The following CLEC9A variants were observed in gnomAD, a reference collection of about 807,000 sequenced individuals.
CLEC9A encodes C-type lectin domain containing 9A, also known as C-type lectin domain family 9 member A.
CLEC9A carries 24 observed loss-of-function variants against 30.0 expected under a neutral mutation model. That is an observed-to-expected ratio of 0.80 (90% CI 0.58 to 1.13). CLEC9A has a LOEUF of 1.13. Ranked by LOEUF, CLEC9A falls within the 50% of genes most tolerant of loss-of-function variation. The pLI, the probability that CLEC9A is intolerant of heterozygous loss-of-function variation, is 0.00. For missense variants in CLEC9A, 251 were observed against 280.9 expected (o/e 0.89, Z 0.76); for synonymous variants, 111 against 96.8 (o/e 1.15, Z -0.86).
chr12:10,039,253 G>A (rs2137297786), intron 1 of CLEC9A, among the ~76,000 whole-genome samples: 1 of 152,244 alleles, frequency 6.6e-6, no homozygotes, highest in Middle Eastern at 3.4e-3. Context: ...TTTGATTGGA[G>A]GAAGGCAATA....
intron 1 of CLEC9A, among the ~76,000 whole-genome samples, chr12:10,040,559 T>C (rs1865785053): frequency 6.6e-6 from 1 of 151,848 alleles, no homozygotes; most frequent in African/African-American, 2.4e-5. Context: ...CACGCCATTC[T>C]CCTGCCTCAG....
intron 4 of CLEC9A, 26 bp downstream of exon 4, chr12:10,052,804 G>T: frequency 1.3e-6 from 2 of 1,598,138 alleles, no homozygotes. Context: ...TATTTTGTGT[G>T]AGACTTTAGA....
chr12:10,065,614 G>T lies in CLEC9A; in HGVS notation c.708G>T (p.Ala236=), dbSNP rs745674097. The T allele has an allele frequency of 1.2e-6, 2 of 1,613,692 alleles. No homozygotes were observed. The highest frequency in any genetic ancestry group is 1.7e-5 in the Admixed American group (1 of 59,986). The change falls in exon 9 of 9, where the codon GCG becomes GCT. Residue 236 remains alanine (A), a synonymous_variant. Coordinates refer to ENST00000355819, the MANE Select transcript of CLEC9A (RefSeq NM_207345.4). ...TWKYFICEKY[A]LRSSV is the part of the protein sequence containing the mutation. The stretch of plus-strand genomic sequence containing the variant: ...AGTATTTTATCTGTGAGAAGTATGC[G>T]TTGAGATCCTCTGTCTGAAAGAAAT...
intron 2 of CLEC9A, among the ~76,000 whole-genome samples, chr12:10,047,939 A>T (rs1865860004): frequency 6.6e-6 from 1 of 152,076 alleles, no homozygotes; most frequent in African/African-American, 2.4e-5. Flanking sequence ...TTTTTAAAAT[A>T]AGACAACAGT....
chr12:10,061,061 G>T (rs1014472470), intron 5 of CLEC9A, 66 bp from the exon 6 acceptor site: 1 of 1,548,234 alleles, frequency 6.5e-7, no homozygotes, highest in Non-Finnish European at 8.8e-7. Context: ...TCTTTAGTCT[G>T]TGTTGAAGGA....
chr12:10,057,111 C>T (rs1446847926), intron 5 of CLEC9A, among the ~76,000 whole-genome samples: 2 of 151,986 alleles, frequency 1.3e-5, no homozygotes, highest in East Asian at 1.9e-4. Flanking sequence ...TTGTGTTAAG[C>T]AATAAGCAGC....
At chr12:10,048,277 G>A (rs569365041) in intron 2 of CLEC9A, among the ~76,000 whole-genome samples, 5 of 150,920 alleles carry the variant, frequency 3.3e-5, no homozygotes, top group Non-Finnish European at 5.9e-5. Context: ...GGTGGTGCAC[G>A]CATGTAGTCC....
intron 2 of CLEC9A, among the ~76,000 whole-genome samples, chr12:10,051,094 A>T (rs1195655120): frequency 4.6e-5 from 7 of 151,964 alleles, no homozygotes; most frequent in African/African-American, 1.7e-4. Flanking sequence ...CATCCCAGCT[A>T]CTTGGGAAGC....
chr12:10,060,957 T>C, intron 5 of CLEC9A, 170 bp from the exon 6 acceptor site: 2 of 714,164 alleles, frequency 2.8e-6, no homozygotes, highest in Admixed American at 8.3e-5. Flanking sequence ...TTCCACGTCT[T>C]TTGTAGTGTT....
rs1218700359 is a variant in CLEC9A at position 10,057,598 on chromosome 12, T to C, written c.172+3247T>C. Among the ~76,000 whole-genome samples, 4 of 151,932 alleles carry C rather than the reference T, an allele frequency of 2.6e-5. No homozygotes were observed. In the South Asian group the frequency reaches 8.3e-4, roughly 32 times the overall value. ...TGTTATTGTTTTGGGAATATGGTTA[T>C]GCAATATTTTCTCACGAAAGAAGCA... On this transcript the variant is annotated intron_variant, in intron 5 of 8. Transcript: ENST00000355819.
intron 1 of CLEC9A, among the ~76,000 whole-genome samples, chr12:10,034,089 T>G (rs1254073280): frequency 6.6e-6 from 1 of 152,224 alleles, no homozygotes; most frequent in Non-Finnish European, 1.5e-5. Context: ...TGAATTAAAA[T>G]GAAGCACTGT....
Position 10,064,901 on chromosome 12 carries a change from A to C in CLEC9A, c.593+48A>C, listed in dbSNP as rs201573214. On this transcript the variant is annotated intron_variant, in intron 8 of 8. Transcript: ENST00000355819. ...ACAAGAAAAGTTAGAAACATGAGGG[A>C]ATTCAAAAGTTTATTTCACCTTGTA... 4.5e-4 allele frequency: 715 copies of C among 1,588,494 alleles called. 3 individuals are homozygous for C. The highest frequency in any genetic ancestry group is 8.6e-4 in the Middle Eastern group (5 of 5,844).
intron 7 of CLEC9A, among the ~76,000 whole-genome samples, chr12:10,063,535 A>G (rs10845029): frequency 0.54 from 81,863 of 152,078 alleles, 24,979 homozygotes; most frequent in Middle Eastern, 0.77. Flanking sequence ...AGTTGCAGAT[A>G]TGTTTTAAAT....
At chr12:10,052,835 T>TC (rs2137308030) in intron 4 of CLEC9A, 57 bp downstream of exon 4, 2 of 1,534,788 alleles carry the variant, frequency 1.3e-6, no homozygotes, top group Admixed American at 1.8e-5. Flanking sequence ...TTTTTTTTTT[T>TC]CTGCTCTATC....
intron 1 of CLEC9A, among the ~76,000 whole-genome samples, chr12:10,034,276 A>G (rs1216888584): frequency 6.6e-6 from 1 of 152,260 alleles, no homozygotes; most frequent in African/African-American, 2.4e-5. Context: ...GGCAGCTGTC[A>G]TAGTGGAAGT....
At chr12:10,057,861 CTAT>C (rs1865956722) in intron 5 of CLEC9A, among the ~76,000 whole-genome samples, 1 of 151,960 alleles carries the variant, frequency 6.6e-6, no homozygotes, top group African/African-American at 2.4e-5. Flanking sequence ...ATTAAAAAAT[CTAT>C]AGTTCAAAAT....
chr12:10,040,473 T>C (rs900187378), intron 1 of CLEC9A, among the ~76,000 whole-genome samples: 15 of 149,624 alleles, frequency 1.0e-4, no homozygotes, highest in African/African-American at 3.4e-4. Context: ...TTTTTTGAGA[T>C]GGAGTCTTGC....
intron 5 of CLEC9A, among the ~76,000 whole-genome samples, chr12:10,058,247 T>C (rs1865960434): frequency 6.6e-6 from 1 of 152,224 alleles, no homozygotes; most frequent in Non-Finnish European, 1.5e-5. Flanking sequence ...TTTAGAATTA[T>C]ATGTTGAATC....
At chr12:10,054,750 T>C (rs1865924682) in intron 5 of CLEC9A, among the ~76,000 whole-genome samples, 1 of 152,236 alleles carries the variant, frequency 6.6e-6, no homozygotes, top group Admixed American at 6.5e-5. Context: ...CAATTTAAAA[T>C]GTTTAATGCA....
Sources: gnomAD v4.1 joint callset for allele counts (sites outside exome capture counted in the v4.1 genomes callset) on GRCh38, gnomAD v4.1.1 for gene constraint, MANE v1.5 for transcripts, NCBI Gene and HGNC (gene_info 2026-07-23, HGNC 2026-07-21) for gene names.